DNAH10: variants seen among roughly 807,000 people sequenced by gnomAD.
DNAH10 encodes dynein axonemal heavy chain 10.
A neutral mutation model predicts 506.6 loss-of-function variants in DNAH10; 348 were observed. The observed-to-expected ratio is 0.69, with a 90% CI of 0.63 to 0.75. The LOEUF (loss-of-function observed/expected upper bound fraction) is 0.75, where lower values mean the gene tolerates loss of function less well. Ranked by LOEUF, DNAH10 falls within the 30% of genes least tolerant of loss-of-function variation. The probability of loss-of-function intolerance (pLI) is 0.00; values close to 1 mark genes in which losing one functional copy is unlikely to be tolerated. For missense variants in DNAH10, 5,179 were observed against 5,787.1 expected, an observed-to-expected ratio of 0.89 and a Z score of 3.41; for synonymous variants, 2,059 against 2,198.6, an observed-to-expected ratio of 0.94 and a Z score of 1.78.
At chr12:123,881,100 G>T (rs992352888) in intron 50 of DNAH10, among the ~76,000 whole-genome samples, 1 of 152,002 alleles carries the variant, frequency 6.6e-6, no homozygotes, top group Non-Finnish European at 1.5e-5. Context: ...GAGTAGTGCC[G>T]CAATAAACAT....
intron 52 of DNAH10, among the ~76,000 whole-genome samples, chr12:123,891,588 G>T (rs943629678): frequency 2.6e-5 from 4 of 151,712 alleles, no homozygotes; most frequent in Non-Finnish European, 4.4e-5. Context: ...CACGGGGAGC[G>T]AGAGACTGAG....
rs1269934536 is a variant in DNAH10 at position 123,838,623 on chromosome 12, T to A, written c.5070T>A (p.Ser1690=). The A allele has an allele frequency of 1.2e-6, 2 of 1,613,928 alleles. No homozygotes were observed. The highest frequency in any genetic ancestry group is 2.2e-5 in the East Asian group (1 of 44,892). ...CTTTCCCAAGGTTCTTCTTCATTTC[T>A]GACGATGAGTTGCTTAGCATTCTGG... ...RNAFPRFFFI[S]DDELLSILGS... The change falls in exon 29 of 79, where the codon TCT becomes TCA. Residue 1690 remains serine (S), a synonymous_variant. Coordinates refer to ENST00000673944, the MANE Select transcript of DNAH10 (RefSeq NM_001372106.1).
chr12:123,762,584 T>A lies in DNAH10; in HGVS notation c.214+34T>A, dbSNP rs1340026135. ...CGACGCGCCGCTCCCTTCCCCGGGC[T>A]TCCCTCCTGCCCGTCCCGGCCTCTC... On this transcript the variant is annotated intron_variant, in intron 1 of 78. Coordinates refer to ENST00000673944, the MANE Select transcript of DNAH10 (RefSeq NM_001372106.1). This position sits in a 1 kb window ranked among gnomAD's most constrained non-coding sequence, Gnocchi z 5.0. 1 of 1,501,806 alleles carries A rather than the reference T, an allele frequency of 6.7e-7. No homozygotes were observed. The highest frequency in any genetic ancestry group is 9.0e-7 in the Non-Finnish European group (1 of 1,114,192). 93.0% of individuals were successfully genotyped at this position (1,501,806 alleles called of 1,614,324 possible).
At chr12:123,783,911 A>G (rs7303002) in intron 7 of DNAH10, 36 bp from the exon 8 acceptor site, 983,132 of 1,579,798 alleles carry the variant, frequency 0.62, 312,308 homozygotes, top group East Asian at 1. Flanking sequence ...CCACCCTAAT[A>G]ATGAGAGTTC....
chr12:123,768,600 T>C (rs996908276), intron 2 of DNAH10, among the ~76,000 whole-genome samples: 4 of 150,420 alleles, frequency 2.7e-5, no homozygotes, highest in Non-Finnish European at 5.9e-5. Context: ...GAGTGTAGTA[T>C]GTAACATACA....
chr12:123,776,656 ATAAAT>A (rs923567856), intron 5 of DNAH10, among the ~76,000 whole-genome samples: 4 of 152,022 alleles, frequency 2.6e-5, no homozygotes, highest in South Asian at 2.1e-4. Context: ...AAAAAGAAAA[ATAAAT>A]TAAGATAACA....
chr12:123,828,360 C>G (rs981971125), intron 25 of DNAH10, among the ~76,000 whole-genome samples: 12 of 152,004 alleles, frequency 7.9e-5, no homozygotes, highest in Admixed American at 5.2e-4. Flanking sequence ...GAAAACAAAC[C>G]TGAGAGGGGA....
chr12:123,856,713 CAT>C (rs1289430066), intron 36 of DNAH10, among the ~76,000 whole-genome samples: 1 of 147,038 alleles, frequency 6.8e-6, no homozygotes, highest in African/African-American at 2.5e-5. Flanking sequence ...TGTTTAATCT[CAT>C]GTAAACTATT....
At chr12:123,830,804 G>A (rs1205462042) in intron 26 of DNAH10, 105 bp downstream of exon 26, 1 of 1,160,346 alleles carries the variant, frequency 8.6e-7, no homozygotes, top group South Asian at 1.9e-5. Context: ...AATTAGCTGA[G>A]CGTGGTGGTA....
chr12:123,833,907 G>A (rs1296294735), intron 27 of DNAH10, among the ~76,000 whole-genome samples: 1 of 152,098 alleles, frequency 6.6e-6, no homozygotes, highest in Non-Finnish European at 1.5e-5. Context: ...AGGTGGTTTG[G>A]GGCTTTCTTC....
chr12:123,915,661 G>T (rs1046805813), intron 62 of DNAH10, among the ~76,000 whole-genome samples: 3 of 152,188 alleles, frequency 2.0e-5, no homozygotes, highest in Admixed American at 6.5e-5. Flanking sequence ...CACTCAGCCT[G>T]ATGTTTTCAA....
rs370044448 is a variant in DNAH10, at chr12:123,925,062, G to T, written c.11779G>T (p.Asp3927Tyr). 3 of 1,613,878 alleles carry T rather than the reference G, an allele frequency of 1.9e-6. No homozygotes were observed. ...TTGCTTTTCCCAGTGGTATGACCTG[G>T]ATTCACTGGAGCAGTTTCCCGTCCC... ...QTVWQEWYDL[D>Y]SLEQFPVPLG... The change falls in exon 68 of 79, where the codon GAT becomes TAT. Residue 3927 changes from aspartate (D) to tyrosine (Y), a missense_variant. Asp to Tyr is a radical substitution (Grantham distance 160). Around this residue, in one of 3 missense-constraint regions of DNAH10, gnomAD observed 4,844 missense variants for 5,430.5 expected, o/e 0.89. Transcript: ENST00000673944. The surrounding 1 kb of genome is among the most constrained non-coding windows in gnomAD (Gnocchi z 4.0).
chr12:123,796,587 C>A, intron 12 of DNAH10, 69 bp from the exon 13 acceptor site: 2 of 1,415,586 alleles, frequency 1.4e-6, no homozygotes, highest in Non-Finnish European at 1.9e-6. Flanking sequence ...CTTAAAGATT[C>A]AAATCTCATC....
chr12:123,783,370 G>A, intron 7 of DNAH10, 106 bp downstream of exon 7: 1 of 1,350,428 alleles, frequency 7.4e-7, no homozygotes, highest in Non-Finnish European at 1.0e-6. Flanking sequence ...TTTTCTTACT[G>A]TTTTATGACT....
In DNAH10 at chr12:123,853,186, T is replaced by C. The variant is rs74723106; in HGVS notation, c.6292-20T>C. The C allele has an allele frequency of 0.012, 17,874 of 1,545,936 alleles. 367 individuals are homozygous for C. The highest frequency in any genetic ancestry group is 0.074 in the African/African-American group (5,306 of 71,938). ...TTTTCTTTTTTCTTTTTTTTTGTAT[T>C]ATTATCTTCTATCAAAAAGACTCTG... On this transcript the variant is annotated intron_variant, in intron 35 of 78. Transcript: ENST00000673944. This position sits in a 1 kb window ranked among gnomAD's most constrained non-coding sequence, Gnocchi z 4.7.
chr12:123,902,624 C>T lies in DNAH10; in HGVS notation c.9641-315C>T, dbSNP rs1204313807. ...GTAAGCAGGAGGGGGACCCCAGCAT[C>T]CTCACTGAACACCGGCGAGGCAGGG... On this transcript the variant is annotated intron_variant, in intron 56 of 78. Transcript: ENST00000673944. This position sits in a 1 kb window ranked among gnomAD's most constrained non-coding sequence, Gnocchi z 4.5. 6.6e-6 allele frequency among the ~76,000 whole-genome samples: 1 copy of T among 152,268 alleles called. No individual in the cohort carries two copies. Among genetic ancestry groups the T allele is most frequent in the East Asian group, 1.9e-4 (1 of 5,170 alleles).
Position 123,894,122 on chromosome 12 carries a change from G to A in DNAH10, c.9200-521G>A, listed in dbSNP as rs141531283. Among the ~76,000 whole-genome samples the A allele has an allele frequency of 3.0e-3, 353 of 119,542 alleles. 2 individuals carry two copies. Among genetic ancestry groups the A allele is most frequent in the African/African-American group, 0.011 (324 of 30,608 alleles). 78.4% of individuals were successfully genotyped at this position (119,542 alleles called of 152,430 possible). On this transcript the variant is annotated intron_variant, in intron 53 of 78. Coordinates refer to ENST00000673944, the MANE Select transcript of DNAH10 (RefSeq NM_001372106.1). ...TTTTTTTTTTTTGAGACAGAATCTC[G>A]CTCTGTCGCCCAGATTAGAGTGCAG...
At chr12:123,896,146 C>CATAG (rs1953223312) in intron 54 of DNAH10, among the ~76,000 whole-genome samples, 16 of 102,530 alleles carry the variant, frequency 1.6e-4, no homozygotes, top group Middle Eastern at 9.7e-3. Flanking sequence ...CACACACACA[C>CATAG]ACAGAGAGAG....
chr12:123,808,801 T>C lies in DNAH10; in HGVS notation c.2992T>C (p.Leu998=), dbSNP rs374217970. ...EVLTKLILKN[L]QSFNSLILGN... ...TTTCTCATCAACCCCTCTTAGGAAC[T>C]TGCAGTCTTTTAATTCTTTGATCCT... The change falls in exon 19 of 79, where the codon TTG becomes CTG. Residue 998 remains leucine (L), a synonymous_variant. Transcript: ENST00000673944. 2.9e-5 allele frequency: 47 copies of C among 1,614,058 alleles called. No individual in the cohort carries two copies. Among genetic ancestry groups the C allele is most frequent in the Non-Finnish European group, 3.6e-5 (43 of 1,179,998 alleles).
Sources: allele counts gnomAD v4.1 joint callset (sites outside exome capture counted in the v4.1 genomes callset), GRCh38; gene constraint gnomAD v4.1.1; regional missense constraint gnomAD v4.1.1; non-coding constraint Gnocchi (gnomAD v3.1); transcripts MANE v1.5; gene names NCBI Gene and HGNC (gene_info 2026-07-23, HGNC 2026-07-21).